The following RIMS1 variants were observed in gnomAD, a reference collection of about 807,000 sequenced individuals.
RIMS1 encodes the protein regulating synaptic membrane exocytosis protein 1.
RIMS1 carries 83 observed loss-of-function variants against 214.1 expected under a neutral mutation model. The ratio of observed to expected loss-of-function variants is 0.39; its 90% CI spans 0.32 to 0.47. The LOEUF is 0.47. Ranked by LOEUF, RIMS1 falls within the 20% of genes least tolerant of loss-of-function variation. The probability of loss-of-function intolerance (pLI) is 0.99; values close to 1 mark genes in which losing one functional copy is unlikely to be tolerated. For synonymous variants in RIMS1, 793 were observed against 786.8 expected (o/e 1.01, Z -0.13); for missense variants, 2,050 against 2,161.8 (o/e 0.95, Z 1.03).
chr6:72,310,301 A>G (rs1281428495), intron 27 of RIMS1, among the ~76,000 whole-genome samples: 2 of 152,228 alleles, frequency 1.3e-5, no homozygotes, highest in East Asian at 3.9e-4. Flanking sequence ...AGAAGACTAA[A>G]TGACCCTAAC....
At chr6:72,224,936 G>T (rs546483116) in intron 6 of RIMS1, among the ~76,000 whole-genome samples, 17 of 152,250 alleles carry the variant, frequency 1.1e-4, no homozygotes, top group Admixed American at 5.2e-4. Context: ...TGGCTATCTA[G>T]AAGTTTTCTC....
intron 1 of RIMS1, among the ~76,000 whole-genome samples, chr6:71,914,470 C>A (rs1363353395): frequency 6.6e-6 from 1 of 151,988 alleles, no homozygotes; most frequent in Non-Finnish European, 1.5e-5. Context: ...TTGAATTAGT[C>A]CTCAAAACTA....
At chr6:71,908,767 C>G (rs1209015717) in intron 1 of RIMS1, among the ~76,000 whole-genome samples, 1 of 152,094 alleles carries the variant, frequency 6.6e-6, no homozygotes, top group East Asian at 1.9e-4. Flanking sequence ...CTAAATGAAC[C>G]TTTTCATCTT....
At chr6:72,382,054 T>G (rs552221221) in intron 29 of RIMS1, among the ~76,000 whole-genome samples, 1 of 152,280 alleles carries the variant, frequency 6.6e-6, no homozygotes, top group East Asian at 1.9e-4. Context: ...ATGATACTGT[T>G]TTTAGTTTCT....
chr6:72,393,553 G>A (rs915667880), intron 31 of RIMS1, among the ~76,000 whole-genome samples: 6 of 151,978 alleles, frequency 3.9e-5, no homozygotes, highest in East Asian at 1.9e-4. Context: ...TGAAACCCCC[G>A]TCTCTACTAA....
intron 1 of RIMS1, among the ~76,000 whole-genome samples, chr6:71,947,103 C>CACTTTACATATTA (rs1342286021): frequency 1.2e-4 from 18 of 152,020 alleles, no homozygotes; most frequent in Admixed American, 9.8e-4. Context: ...CACTTTACAC[C>CACTTTACATATTA]GTTAAAATGG....
At chr6:72,219,084 A>G (rs1338391347) in intron 6 of RIMS1, among the ~76,000 whole-genome samples, 3 of 152,228 alleles carry the variant, frequency 2.0e-5, no homozygotes, top group Non-Finnish European at 2.9e-5. Context: ...ATTAATCTCA[A>G]TGAACAGCAA....
chr6:72,300,454 C>A (rs1316988221), intron 26 of RIMS1, among the ~76,000 whole-genome samples: 1 of 151,718 alleles, frequency 6.6e-6, no homozygotes, highest in Non-Finnish European at 1.5e-5. Flanking sequence ...TCAAGTCTTT[C>A]AGGATAGATT....
chr6:72,047,056 T>C (rs1823256220), intron 2 of RIMS1, among the ~76,000 whole-genome samples: 1 of 152,148 alleles, frequency 6.6e-6, no homozygotes, highest in Non-Finnish European at 1.5e-5. Flanking sequence ...TGTTTTACTG[T>C]TATATAGCCT....
intron 1 of RIMS1, among the ~76,000 whole-genome samples, chr6:71,930,711 C>T (rs971217014): frequency 7.9e-5 from 12 of 151,954 alleles, no homozygotes; most frequent in African/African-American, 1.7e-4. Flanking sequence ...CTTTTCATAA[C>T]GAAAATCAAA....
At chr6:72,265,643 A>C in intron 21 of RIMS1, 140 bp downstream of exon 21, 1 of 564,174 alleles carries the variant, frequency 1.8e-6, no homozygotes, top group Non-Finnish European at 3.1e-6. Flanking sequence ...ATGAAATTTT[A>C]GGCATTTTGT....
chr6:72,233,104 T>G (rs1283632809), intron 6 of RIMS1, among the ~76,000 whole-genome samples: 1 of 151,890 alleles, frequency 6.6e-6, no homozygotes, highest in East Asian at 1.9e-4. Flanking sequence ...ACTGATACTT[T>G]CCATTGAAGT....
intron 2 of RIMS1, among the ~76,000 whole-genome samples, chr6:72,001,847 T>C (rs1254695652): frequency 6.6e-6 from 1 of 152,180 alleles, no homozygotes; most frequent in Non-Finnish European, 1.5e-5. Context: ...AGAAGGATCT[T>C]ATTCTGCTTA....
In RIMS1 at chr6:72,022,487, A is replaced by G. The variant is rs1382322698; in HGVS notation, c.245+53424A>G. On this transcript the variant is annotated intron_variant, in intron 2 of 33. Coordinates refer to ENST00000521978, the MANE Select transcript of RIMS1 (RefSeq NM_014989.7). ...TACATTAGGTACATTTATATTACATATTTGTTGTAGTATAGAAGAAAAATA... is the reference window on the plus strand; with the variant it reads ...TACATTAGGTACATTTATATTACATGTTTGTTGTAGTATAGAAGAAAAATA... Among the ~76,000 whole-genome samples, 5 of 152,336 alleles carry G rather than the reference A, an allele frequency of 3.3e-5. No individual in the cohort carries two copies. The East Asian group carries it at 9.6e-4, about 29-fold the overall frequency.
At chr6:72,040,345 A>C (rs1821099433) in intron 2 of RIMS1, among the ~76,000 whole-genome samples, 1 of 152,022 alleles carries the variant, frequency 6.6e-6, no homozygotes, top group South Asian at 2.1e-4. Flanking sequence ...ACAGGACTTA[A>C]TGAATAGTAG....
chr6:72,243,875 T>A (rs1010266305), intron 10 of RIMS1, among the ~76,000 whole-genome samples: 5 of 151,300 alleles, frequency 3.3e-5, no homozygotes, highest in African/African-American at 7.3e-5. Flanking sequence ...GGACATGGAA[T>A]ACAAAGATTA....
At chr6:72,252,068 G>A (rs2073629654) in intron 15 of RIMS1, among the ~76,000 whole-genome samples, 1 of 152,026 alleles carries the variant, frequency 6.6e-6, no homozygotes, top group African/African-American at 2.4e-5. Flanking sequence ...AATATTAGAA[G>A]GTATGTTTAT....
At chr6:72,306,360 C>T (rs1437759744) in intron 26 of RIMS1, among the ~76,000 whole-genome samples, 1 of 152,076 alleles carries the variant, frequency 6.6e-6, no homozygotes, top group Non-Finnish European at 1.5e-5. Flanking sequence ...ACATAAGTCT[C>T]ATACAACATA....
intron 28 of RIMS1, among the ~76,000 whole-genome samples, chr6:72,318,911 T>C (rs1361146268): frequency 6.6e-6 from 1 of 152,222 alleles, no homozygotes; most frequent in Non-Finnish European, 1.5e-5. Context: ...TTTGTTGTAA[T>C]TTTCCCATCA....
Sources: allele counts gnomAD v4.1 joint callset (sites outside exome capture counted in the v4.1 genomes callset), GRCh38; gene constraint gnomAD v4.1.1; transcripts MANE v1.5; gene names NCBI Gene and HGNC (gene_info 2026-07-23, HGNC 2026-07-21).